Variants in TRPM6 observed in about 807,000 individuals in gnomAD.
TRPM6 encodes the protein channel kinase 2.
TRPM6 carries 111 observed loss-of-function variants against 247.6 expected under a neutral mutation model. That is an observed-to-expected ratio of 0.45 (90% CI 0.38 to 0.52). The LOEUF (loss-of-function observed/expected upper bound fraction) is 0.52. Ranked by LOEUF, TRPM6 falls within the 20% of genes least tolerant of loss-of-function variation. TRPM6 has a pLI of 0.00. For synonymous variants in TRPM6, 892 were observed against 853.8 expected (o/e 1.04, Z -0.78); for missense variants, 2,126 against 2,421.5 (o/e 0.88, Z 2.56).
chr9:74,843,115 T>C (rs1829998228), intron 3 of TRPM6, among the ~76,000 whole-genome samples: 3 of 152,246 alleles, frequency 2.0e-5, no homozygotes, highest in Admixed American at 2.0e-4. Flanking sequence ...GTTTCTACAA[T>C]GGTCTATCTT....
chr9:74,750,513 T>G (rs976371165), intron 30 of TRPM6, 151 bp downstream of exon 30: 22 of 731,844 alleles, frequency 3.0e-5, no homozygotes, highest in Non-Finnish European at 5.1e-5. Flanking sequence ...GGAGAAGAAA[T>G]CATTTTCATT....
chr9:74,856,180 T>C (rs1830515064), intron 2 of TRPM6, among the ~76,000 whole-genome samples: 1 of 152,178 alleles, frequency 6.6e-6, no homozygotes, highest in South Asian at 2.1e-4. Context: ...GGCTTATGCC[T>C]GTAATCCCAG....
At chr9:74,840,283 T>C in intron 4 of TRPM6, 46 bp from the exon 5 acceptor site, 1 of 1,410,828 alleles carries the variant, frequency 7.1e-7, no homozygotes, top group South Asian at 1.2e-5. Flanking sequence ...GTAAAAAAGT[T>C]ATGCCAGGCA....
intron 31 of TRPM6, 144 bp downstream of exon 31, chr9:74,747,743 ACT>A (rs1277950725): frequency 1.5e-6 from 1 of 662,330 alleles, no homozygotes; most frequent in African/African-American, 1.8e-5. Context: ...TCAACTTTCT[ACT>A]CTTCTACTGA....
chr9:74,799,523 TTC>T (rs200888854), intron 17 of TRPM6, among the ~76,000 whole-genome samples: 4,203 of 145,078 alleles, frequency 0.029, 197 homozygotes, highest in African/African-American at 0.1. Context: ...CAGTCACTTA[TTC>T]TCTCAAAAAA....
chr9:74,797,279 A>G (rs1009359847), intron 17 of TRPM6, among the ~76,000 whole-genome samples: 3 of 152,216 alleles, frequency 2.0e-5, no homozygotes, highest in Non-Finnish European at 4.4e-5. Context: ...TTGTTAAGTG[A>G]AAAGATCAAA....
At chr9:74,804,801 C>A in intron 14 of TRPM6, 1 of 630,212 alleles carries the variant, frequency 1.6e-6, no homozygotes, top group South Asian at 1.8e-5. Context: ...TCGTAAGCAA[C>A]ATGGAAATAA....
chr9:74,836,528 A>C (rs1829726419), intron 5 of TRPM6, among the ~76,000 whole-genome samples: 1 of 152,164 alleles, frequency 6.6e-6, no homozygotes, highest in Non-Finnish European at 1.5e-5. Flanking sequence ...AGAGATTCTG[A>C]TTCCATGGTT....
At chr9:74,844,652 C>T (rs780611568) in intron 3 of TRPM6, among the ~76,000 whole-genome samples, 23 of 152,220 alleles carry the variant, frequency 1.5e-4, no homozygotes, top group Admixed American at 7.2e-4. Flanking sequence ...ATCCAGACCA[C>T]TCAAACTTTC....
intron 6 of TRPM6, among the ~76,000 whole-genome samples, chr9:74,830,294 C>A (rs538352944): frequency 6.6e-6 from 1 of 151,510 alleles, no homozygotes; most frequent in Non-Finnish European, 1.5e-5. Flanking sequence ...AAGGGTAGAG[C>A]TTGAAAAAAA....
At chr9:74,737,984 G>A (rs529334114) in intron 36 of TRPM6, among the ~76,000 whole-genome samples, 53 of 152,100 alleles carry the variant, frequency 3.5e-4, no homozygotes, top group Non-Finnish European at 6.8e-4. Context: ...TGTAACAAGG[G>A]ACACAGCAAA....
chr9:74,838,941 C>A (rs1339897019), intron 5 of TRPM6, among the ~76,000 whole-genome samples: 2 of 151,992 alleles, frequency 1.3e-5, no homozygotes, highest in African/African-American at 4.8e-5. Flanking sequence ...GAAACCCTGT[C>A]TCTACTAAAA....
At chr9:74,808,280 C>T in intron 13 of TRPM6, 106 bp from the exon 14 acceptor site, 3 of 1,375,712 alleles carry the variant, frequency 2.2e-6, no homozygotes, top group Non-Finnish European at 3.1e-6. Flanking sequence ...GGTAGACATA[C>T]CTTTTAAATA....
chr9:74,863,829 G>T (rs1301765960), intron 1 of TRPM6, among the ~76,000 whole-genome samples: 1 of 150,700 alleles, frequency 6.6e-6, no homozygotes, highest in Non-Finnish European at 1.5e-5. Flanking sequence ...CTTGTTATCC[G>T]CCCAACTCGG....
chr9:74,805,073 C>T lies in TRPM6; in HGVS notation c.1639-1187G>A, dbSNP rs973607241. 1.2e-4 allele frequency among the ~76,000 whole-genome samples: 19 copies of T among 152,174 alleles called. 1 individual carries two copies. The highest frequency in any genetic ancestry group is 9.2e-4 in the Admixed American group (14 of 15,286). ...TCATTGCAACTGAGCACAACTCCTT[C>T]AAATGAGCAAAGACTGAATCAAGTA... On this transcript the variant is annotated intron_variant, in intron 14 of 38. Transcript: ENST00000360774.
intron 11 of TRPM6, among the ~76,000 whole-genome samples, chr9:74,813,255 A>G (rs77967152): frequency 0.029 from 4,354 of 152,320 alleles, 270 homozygotes; most frequent in East Asian, 0.24. Flanking sequence ...GGAGGACAAG[A>G]GTGGAGACAA....
chr9:74,827,617 G>C (rs1282066177), intron 7 of TRPM6, 161 bp downstream of exon 7: 73 of 743,736 alleles, frequency 9.8e-5, no homozygotes, highest in Non-Finnish European at 1.5e-4. Context: ...TGGAGGGAGA[G>C]AGGAGGGGAG....
chr9:74,839,091 CA>C (rs1829827091), intron 5 of TRPM6, among the ~76,000 whole-genome samples: 1 of 123,468 alleles, frequency 8.1e-6, no homozygotes, highest in African/African-American at 3.2e-5. Context: ...GCCTGGGTGA[CA>C]AGAGCGAGAC....
At chr9:74,769,008 A>G (rs997680846) in intron 25 of TRPM6, among the ~76,000 whole-genome samples, 1 of 152,156 alleles carries the variant, frequency 6.6e-6, no homozygotes, top group African/African-American at 2.4e-5. Flanking sequence ...TATACTAACA[A>G]TTTTGAGGGG....
Sources: gnomAD v4.1 joint callset for allele counts (sites outside exome capture counted in the v4.1 genomes callset) on GRCh38, gnomAD v4.1.1 for gene constraint, MANE v1.5 for transcripts, NCBI Gene and HGNC (gene_info 2026-07-23, HGNC 2026-07-21) for gene names.